The following RAP2A variants were observed in gnomAD, a reference collection of about 807,000 sequenced individuals.
RAP2A encodes RAP2A, member of RAS oncogene family.
In RAP2A, 5 loss-of-function variants were observed where a neutral mutation model predicts 15.1. The observed-to-expected ratio is 0.33, with a 90% confidence interval of 0.17 to 0.70. The LOEUF (loss-of-function observed/expected upper bound fraction) is 0.70. RAP2A is among the 30% of genes least tolerant of loss of function. RAP2A has a pLI of 0.68. For synonymous variants in RAP2A, 110 were observed against 99.7 expected, an observed-to-expected ratio of 1.10 and a Z score of -0.62; for missense variants, 111 against 240.3, an observed-to-expected ratio of 0.46 and a Z score of 3.56.
intron 1 of RAP2A, among the ~76,000 whole-genome samples, chr13:97,460,738 G>A (rs777197218): frequency 3.9e-5 from 6 of 152,086 alleles, no homozygotes; most frequent in Non-Finnish European, 5.9e-5. Flanking sequence ...TTCCCACAGG[G>A]GCCAGTATAT....
In RAP2A at chr13:97,453,648, T is replaced by C. The variant is rs564497183; in HGVS notation, c.315-10557T>C. ...CTTGAAGAAGGACATCTTGGTTGTT[T>C]CTGATTTTTACCTGTAAACATTTGT... is the stretch of plus-strand genomic sequence containing the variant. On this transcript the variant is annotated intron_variant, in intron 1 of 1. Transcript: ENST00000245304. Among the ~76,000 whole-genome samples, 98 of 151,390 alleles carry C rather than the reference T, an allele frequency of 6.5e-4. 5 individuals are homozygous for C. The highest frequency in any genetic ancestry group is 2.4e-3 in the African/African-American group (98 of 41,098).
At chr13:97,442,547 G>A (rs2066662475) in intron 1 of RAP2A, among the ~76,000 whole-genome samples, 2 of 152,094 alleles carry the variant, frequency 1.3e-5, no homozygotes, top group Non-Finnish European at 2.9e-5. Flanking sequence ...GCACACATAG[G>A]AATAAATACA....
chr13:97,464,952 A>T lies in RAP2A; in HGVS notation c.*510A>T, dbSNP rs552807977. The T allele has an allele frequency of 1.1e-3, 173 of 153,476 alleles. 2 individuals are homozygous for T. Among genetic ancestry groups the T allele is most frequent in the African/African-American group, 3.8e-3 (159 of 41,594 alleles). 9.5% of individuals were successfully genotyped at this position (153,476 alleles called of 1,614,324 possible). A position where few individuals can be genotyped will look rare whatever the true frequency, so the allele number is the denominator to read the frequency against. On this transcript the variant is annotated 3_prime_UTR_variant, in exon 2 of 2. Transcript: ENST00000245304. ...AGATAATAACAGCTGACCTGCCAAC[A>T]GCATTACAGGGAGATTCTTTGCTCA...
intron 1 of RAP2A, among the ~76,000 whole-genome samples, chr13:97,449,009 T>G (rs1049954009): frequency 5.9e-5 from 9 of 152,076 alleles, no homozygotes; most frequent in Non-Finnish European, 1.3e-4. Context: ...AGCTGTTGCC[T>G]CTCCCACAGT....
In RAP2A at chr13:97,465,671, CAAAT is replaced by C. The variant is rs1354029477; in HGVS notation, c.*1233_*1236del. The stretch of plus-strand genomic sequence containing the variant: ...AATTTTGCCCTGATTACTGAAGCGT[CAAAT>C]AAAGCTGGAGTGAAAATTTTGTTTT... On this transcript the variant is annotated 3_prime_UTR_variant, in exon 2 of 2. Coordinates refer to ENST00000245304, the MANE Select transcript of RAP2A (RefSeq NM_021033.7). 6.6e-6 allele frequency: 1 copy of C among 152,170 alleles called. No individual in the cohort carries two copies. The highest frequency in any genetic ancestry group is 1.9e-4 in the East Asian group (1 of 5,200). The allele number at this position is 152,170 out of a possible 1,614,324, so 9.4% of individuals were successfully genotyped here.
At chr13:97,436,791 A>G (rs1187297379) in intron 1 of RAP2A, among the ~76,000 whole-genome samples, 2 of 152,228 alleles carry the variant, frequency 1.3e-5, no homozygotes, top group Non-Finnish European at 2.9e-5. Flanking sequence ...TAAAAAGATC[A>G]TTGATCAGCT....
chr13:97,460,404 G>C (rs1050293979), intron 1 of RAP2A, among the ~76,000 whole-genome samples: 1 of 152,212 alleles, frequency 6.6e-6, no homozygotes, highest in Non-Finnish European at 1.5e-5. Flanking sequence ...ATCCAGTCCA[G>C]CTCATTTTAT....
At chr13:97,455,288 GTTTA>G (rs2066718354) in intron 1 of RAP2A, among the ~76,000 whole-genome samples, 1 of 151,210 alleles carries the variant, frequency 6.6e-6, no homozygotes, top group South Asian at 2.1e-4. Context: ...TTATTTTTCT[GTTTA>G]TTTATAGAGT....
At chr13:97,460,705 T>A (rs1244612933) in intron 1 of RAP2A, among the ~76,000 whole-genome samples, 2 of 152,132 alleles carry the variant, frequency 1.3e-5, no homozygotes, top group Admixed American at 6.6e-5. Context: ...GTCACCCCAA[T>A]CCAGAGCCTT....
At chr13:97,445,906 AC>A (rs766783487) in intron 1 of RAP2A, among the ~76,000 whole-genome samples, 2 of 152,212 alleles carry the variant, frequency 1.3e-5, no homozygotes, top group Non-Finnish European at 2.9e-5. Flanking sequence ...TCCTAAGGCC[AC>A]CCTGAGCACA....
intron 1 of RAP2A, among the ~76,000 whole-genome samples, chr13:97,463,981 GATTA>G (rs1362289755): frequency 2.0e-5 from 3 of 152,110 alleles, no homozygotes; most frequent in South Asian, 4.1e-4. Context: ...ATATATAATT[GATTA>G]ATTAAAACAT....
At chr13:97,439,514 T>G (rs1376188374) in intron 1 of RAP2A, among the ~76,000 whole-genome samples, 1 of 152,118 alleles carries the variant, frequency 6.6e-6, no homozygotes, top group Non-Finnish European at 1.5e-5. Context: ...AATGAACAAA[T>G]AGGATTATGG....
chr13:97,434,920 C>A, intron 1 of RAP2A, 136 bp downstream of exon 1: 2 of 1,269,266 alleles, frequency 1.6e-6, no homozygotes, highest in Non-Finnish European at 2.1e-6. Flanking sequence ...TATTGTCATT[C>A]TGCTCCTCCT....
chr13:97,463,345 T>G (rs2066756408), intron 1 of RAP2A, among the ~76,000 whole-genome samples: 1 of 152,234 alleles, frequency 6.6e-6, no homozygotes, highest in Non-Finnish European at 1.5e-5. Context: ...TTCTTTGTTC[T>G]TTCTTATCAC....
intron 1 of RAP2A, among the ~76,000 whole-genome samples, chr13:97,457,593 T>C (rs1354336534): frequency 1.3e-5 from 2 of 152,056 alleles, no homozygotes; most frequent in Admixed American, 1.3e-4. Flanking sequence ...GAGTACTACC[T>C]AGCCATTAAT....
Position 97,459,817 on chromosome 13 carries a change from T to G in RAP2A, c.315-4388T>G, listed in dbSNP as rs1027931214. Among the ~76,000 whole-genome samples, 4 of 152,240 alleles carry G rather than the reference T, an allele frequency of 2.6e-5. 1 individual carries two copies. The highest frequency in any genetic ancestry group is 9.6e-5 in the African/African-American group (4 of 41,460). On this transcript the variant is annotated intron_variant, in intron 1 of 1. Transcript: ENST00000245304. ...TTGTAAACCCAGAATTGACTTGTTATGTTTATTGTTGATGTCTGCGCCCTC... is the reference window on the plus strand; with the variant it reads ...TTGTAAACCCAGAATTGACTTGTTAGGTTTATTGTTGATGTCTGCGCCCTC...
At chr13:97,449,915 C>G (rs967423327) in intron 1 of RAP2A, among the ~76,000 whole-genome samples, 8 of 151,172 alleles carry the variant, frequency 5.3e-5, no homozygotes, top group African/African-American at 1.9e-4. Context: ...CTGTTGGCCT[C>G]ATAACCTGAG....
intron 1 of RAP2A, among the ~76,000 whole-genome samples, chr13:97,446,211 A>G (rs1046388430): frequency 2.6e-5 from 4 of 152,178 alleles, no homozygotes; most frequent in African/African-American, 7.2e-5. Context: ...TCTTGAAAGT[A>G]TCTCAGTGTG....
intron 1 of RAP2A, among the ~76,000 whole-genome samples, chr13:97,446,135 T>G (rs896380580): frequency 1.3e-5 from 2 of 152,202 alleles, no homozygotes; most frequent in Admixed American, 1.3e-4. Flanking sequence ...TGTATGTCTC[T>G]TTTATCTGGG....
Sources: gnomAD v4.1 joint callset for allele counts (sites outside exome capture counted in the v4.1 genomes callset) on GRCh38, gnomAD v4.1.1 for gene constraint, MANE v1.5 for transcripts, NCBI Gene and HGNC (gene_info 2026-07-23, HGNC 2026-07-21) for gene names.